Variants in STRBP observed in about 807,000 individuals in gnomAD.
STRBP encodes the protein spermatid perinuclear RNA binding protein, also known as spermatid perinuclear RNA-binding protein.
In STRBP, 13 loss-of-function variants were observed where a neutral mutation model predicts 80.1. That is an observed-to-expected ratio of 0.16 (90% CI 0.11 to 0.26). The LOEUF is 0.26. STRBP is among the 10% of genes least tolerant of loss of function. The pLI is 1.00. For synonymous variants in STRBP, 284 were observed against 291.2 expected (o/e 0.98, Z 0.25); for missense variants, 485 against 815.2 (o/e 0.59, Z 4.93).
chr9:123,138,541 G>A (rs1223698378), intron 14 of STRBP, among the ~76,000 whole-genome samples: 1 of 152,196 alleles, frequency 6.6e-6, no homozygotes, highest in Non-Finnish European at 1.5e-5. Flanking sequence ...ACACGGCAAA[G>A]CTCATCATCT....
intron 7 of STRBP, 44 bp from the exon 8 acceptor site, chr9:123,160,506 T>C: frequency 2.0e-6 from 3 of 1,473,464 alleles, no homozygotes; most frequent in Non-Finnish European, 2.7e-6. Flanking sequence ...TTGAGATCTA[T>C]TCTTCATTTT....
At chr9:123,201,187 T>C (rs1177073582) in intron 2 of STRBP, among the ~76,000 whole-genome samples, 1 of 152,172 alleles carries the variant, frequency 6.6e-6, no homozygotes, top group Non-Finnish European at 1.5e-5. Flanking sequence ...CATATTTCAC[T>C]GATCTTTTGT....
Position 123,161,058 on chromosome 9 carries a change from C to T in STRBP, c.546G>A (p.Ser182=), listed in dbSNP as rs150511866. 1.4e-5 allele frequency: 23 copies of T among 1,598,612 alleles called. No individual in the cohort carries two copies. The highest frequency in any genetic ancestry group is 1.9e-5 in the Non-Finnish European group (22 of 1,174,372). Residue 182 remains serine (S), a synonymous_variant, in exon 7 of 19, where the codon TCG becomes TCA. Transcript: ENST00000348403. ...ELEKKDGENV[S]MKDPPDLLDR... is the part of the protein sequence containing the mutation. ...CCAATAAGTCCGGAGGATCTTTCAT[C>T]GAAACATTTTCTAACAGTAAAATGG...
chr9:123,207,375 A>G (rs1213175308), intron 2 of STRBP, among the ~76,000 whole-genome samples: 1 of 152,234 alleles, frequency 6.6e-6, no homozygotes, highest in Admixed American at 6.5e-5. Flanking sequence ...GTCAAAAACA[A>G]AGTTGGAGGA....
intron 13 of STRBP, among the ~76,000 whole-genome samples, chr9:123,143,156 C>G (rs1354013868): frequency 6.6e-6 from 1 of 152,202 alleles, no homozygotes. Context: ...CTCAGGAAAT[C>G]TGATGTCTCT....
intron 2 of STRBP, among the ~76,000 whole-genome samples, chr9:123,223,045 TAGATGATAGATA>T (rs1348787349): frequency 2.1e-5 from 3 of 143,948 alleles, no homozygotes; most frequent in African/African-American, 7.7e-5. Flanking sequence ...CTCAGATAGA[TAGATGATAGATA>T]GATAGATAGA....
intron 2 of STRBP, among the ~76,000 whole-genome samples, chr9:123,206,105 G>C (rs2039504806): frequency 6.6e-6 from 1 of 152,130 alleles, no homozygotes; most frequent in Non-Finnish European, 1.5e-5. Flanking sequence ...TCAATTCTGA[G>C]CCTCAATTCC....
chr9:123,218,344 A>G (rs2039961171), intron 2 of STRBP, among the ~76,000 whole-genome samples: 1 of 149,700 alleles, frequency 6.7e-6, no homozygotes, highest in African/African-American at 2.5e-5. Flanking sequence ...TTATTTATAC[A>G]TTAAATATGA....
intron 8 of STRBP, 34 bp from the exon 9 acceptor site, chr9:123,159,241 A>G: frequency 6.9e-7 from 1 of 1,453,688 alleles, no homozygotes; most frequent in Non-Finnish European, 9.6e-7. Context: ...TAGTACATGC[A>G]CCAAGTGTTA....
chr9:123,213,436 T>G (rs1302781309), intron 2 of STRBP, among the ~76,000 whole-genome samples: 1 of 152,200 alleles, frequency 6.6e-6, no homozygotes, highest in Non-Finnish European at 1.5e-5. Context: ...TCAAAAAGCC[T>G]ACCCACAAAA....
At chr9:123,157,791 T>A (rs753330039) in intron 11 of STRBP, among the ~76,000 whole-genome samples, 2 of 151,736 alleles carry the variant, frequency 1.3e-5, no homozygotes, top group Non-Finnish European at 2.9e-5. Flanking sequence ...TCAATTACCT[T>A]CCACCGGTCT....
chr9:123,135,344 A>G (rs2036306874), intron 16 of STRBP, among the ~76,000 whole-genome samples: 1 of 152,226 alleles, frequency 6.6e-6, no homozygotes, highest in South Asian at 2.1e-4. Flanking sequence ...TTATTATACC[A>G]GTACTCTCTA....
intron 11 of STRBP, among the ~76,000 whole-genome samples, chr9:123,151,335 C>T (rs2037048310): frequency 6.6e-6 from 1 of 151,964 alleles, no homozygotes; most frequent in Admixed American, 6.6e-5. Context: ...CTGAAAAGCA[C>T]AATGAACAAG....
intron 2 of STRBP, among the ~76,000 whole-genome samples, chr9:123,206,787 C>T (rs1040374307): frequency 1.3e-5 from 2 of 151,980 alleles, no homozygotes; most frequent in African/African-American, 2.4e-5. Context: ...TACAGGCACC[C>T]GCCACCACGC....
intron 2 of STRBP, among the ~76,000 whole-genome samples, chr9:123,220,303 G>C (rs142741526): frequency 1.5e-4 from 23 of 152,278 alleles, no homozygotes; most frequent in African/African-American, 5.5e-4. Context: ...CACAAACCTA[G>C]ATGTTATGGC....
In STRBP at chr9:123,122,182, A is replaced by C; in HGVS notation, c.*3415T>G. ...TATTTTTCTCTTTAATCAGAAAATA[A>C]AAGAGCTTACCTTTGTATACTGAGA... On this transcript the variant is annotated 3_prime_UTR_variant, in exon 19 of 19. Transcript: ENST00000348403. 2.1e-6 allele frequency: 1 copy of C among 475,416 alleles called. No individual in the cohort carries two copies. Among genetic ancestry groups the C allele is most frequent in the Non-Finnish European group, 3.2e-6 (1 of 309,692 alleles). The allele number at this position is 475,416 out of a possible 1,614,324, so 29.4% of individuals were successfully genotyped here.
intron 2 of STRBP, among the ~76,000 whole-genome samples, chr9:123,195,852 C>T (rs2039072851): frequency 6.6e-6 from 1 of 151,962 alleles, no homozygotes; most frequent in African/African-American, 2.4e-5. Flanking sequence ...AAATAAAATC[C>T]TAAAATTTAC....
At chr9:123,251,381 G>A (rs147324934) in intron 1 of STRBP, among the ~76,000 whole-genome samples, 140 of 152,186 alleles carry the variant, frequency 9.2e-4, no homozygotes, top group African/African-American at 3.3e-3. Context: ...GTAACACAAA[G>A]CAGGAAACTA....
chr9:123,160,415 C>A lies in STRBP; in HGVS notation c.675G>T (p.Leu225=). 6.2e-7 allele frequency: 1 copy of A among 1,605,784 alleles called. No homozygotes were observed. Residue 225 remains leucine, a synonymous_variant, in exon 8 of 19, where the codon CTG becomes CTT. Transcript: ENST00000348403. ...LKSCVIVLRI[L]RDLCNRVPTW... ...TGGGGACTCTGTTGCACAAATCACG[C>A]AGAATGCGGAGGACAATTACACATG... is the stretch of plus-strand genomic sequence containing the variant.
Sources: allele counts gnomAD v4.1 joint callset (sites outside exome capture counted in the v4.1 genomes callset), GRCh38; gene constraint gnomAD v4.1.1; transcripts MANE v1.5; gene names NCBI Gene and HGNC (gene_info 2026-07-23, HGNC 2026-07-21).